GPR158: variants seen among roughly 807,000 people sequenced by gnomAD.
The protein encoded by GPR158 is G protein-coupled receptor 158.
Under a neutral mutation model 78.2 loss-of-function variants are expected in GPR158, and 30 were observed. The ratio of observed to expected loss-of-function variants is 0.38; its 90% CI spans 0.29 to 0.52. The LOEUF (loss-of-function observed/expected upper bound fraction) is 0.52. Ranked by LOEUF, GPR158 falls within the 20% of genes least tolerant of loss-of-function variation. The pLI is 0.83. For missense variants in GPR158, 1,463 were observed against 1,523.5 expected (o/e 0.96, Z 0.66); for synonymous variants, 581 against 591.1 (o/e 0.98, Z 0.25).
chr10:25,359,248 A>G (rs1855596167), intron 2 of GPR158, among the ~76,000 whole-genome samples: 1 of 151,972 alleles, frequency 6.6e-6, no homozygotes. Context: ...ACATTACATG[A>G]AAGTTACCTT....
intron 2 of GPR158, among the ~76,000 whole-genome samples, chr10:25,283,386 A>G (rs1229103243): frequency 1.3e-5 from 2 of 151,860 alleles, no homozygotes; most frequent in Non-Finnish European, 2.9e-5. Flanking sequence ...TCTCTCTTTT[A>G]GTCACACTAG....
chr10:25,343,311 G>A (rs773360894), intron 2 of GPR158, among the ~76,000 whole-genome samples: 15 of 151,870 alleles, frequency 9.9e-5, no homozygotes, highest in Non-Finnish European at 1.6e-4. Context: ...GACTAAAATC[G>A]GATAAGTTTC....
chr10:25,247,561 C>T (rs1377531373), intron 2 of GPR158, among the ~76,000 whole-genome samples: 22 of 118,568 alleles, frequency 1.9e-4, no homozygotes, highest in East Asian at 1.3e-3. Context: ...TGAGAATATG[C>T]GGTGTTTGGT....
intron 9 of GPR158, 99 bp from the exon 10 acceptor site, chr10:25,596,544 T>A: frequency 1.3e-6 from 1 of 768,330 alleles, no homozygotes; most frequent in Non-Finnish European, 2.2e-6. Context: ...TAGGTATAGA[T>A]ATAGATACCT....
intron 2 of GPR158, among the ~76,000 whole-genome samples, chr10:25,318,358 A>C (rs545905): frequency 0.82 from 124,072 of 151,632 alleles, 51,798 homozygotes; most frequent in African/African-American, 0.91. Flanking sequence ...CCCTTGTGCA[A>C]TTTTAGGTCA....
chr10:25,312,304 G>T (rs1013305782), intron 2 of GPR158, among the ~76,000 whole-genome samples: 8 of 151,980 alleles, frequency 5.3e-5, no homozygotes, highest in Non-Finnish European at 7.4e-5. Context: ...GAGTTATGTA[G>T]ATATTTCAAA....
intron 5 of GPR158, among the ~76,000 whole-genome samples, chr10:25,530,809 C>A (rs923946204): frequency 6.6e-6 from 1 of 152,212 alleles, no homozygotes; most frequent in Non-Finnish European, 1.5e-5. Flanking sequence ...TTGAACAATT[C>A]TTTCTTCATC....
intron 10 of GPR158, 147 bp from the exon 11 acceptor site, chr10:25,597,625 A>G: frequency 2.0e-6 from 1 of 493,140 alleles, no homozygotes; most frequent in Admixed American, 3.8e-5. Context: ...TGGTGAGAAA[A>G]TCGACAAGTA....
chr10:25,291,899 T>C (rs1854442535), intron 2 of GPR158, among the ~76,000 whole-genome samples: 2 of 152,082 alleles, frequency 1.3e-5, no homozygotes, highest in African/African-American at 4.8e-5. Context: ...TTATCGATCC[T>C]TACAAATATT....
intron 5 of GPR158, among the ~76,000 whole-genome samples, chr10:25,507,250 A>G (rs1412526055): frequency 6.6e-6 from 1 of 152,218 alleles, no homozygotes; most frequent in Non-Finnish European, 1.5e-5. Context: ...TGGCAGTCTA[A>G]TCATTTATTG....
At chr10:25,227,018 A>G (rs1011171307) in intron 2 of GPR158, among the ~76,000 whole-genome samples, 10 of 152,116 alleles carry the variant, frequency 6.6e-5, no homozygotes, top group African/African-American at 1.9e-4. Flanking sequence ...TTGTTTTTGG[A>G]GTTCTAAAGC....
intron 2 of GPR158, among the ~76,000 whole-genome samples, chr10:25,305,006 C>A (rs1456230940): frequency 1.3e-5 from 2 of 152,196 alleles, no homozygotes; most frequent in Non-Finnish European, 2.9e-5. Context: ...CTTCAAAGAT[C>A]TTCTAGGGCT....
intron 2 of GPR158, among the ~76,000 whole-genome samples, chr10:25,277,798 C>G (rs755399650): frequency 1.3e-5 from 2 of 152,112 alleles, no homozygotes; most frequent in Non-Finnish European, 2.9e-5. Context: ...AACAAAGAAA[C>G]CTCTCCGACA....
At chr10:25,550,505 G>T (rs1461913678) in intron 5 of GPR158, among the ~76,000 whole-genome samples, 1 of 152,102 alleles carries the variant, frequency 6.6e-6, no homozygotes, top group Non-Finnish European at 1.5e-5. Flanking sequence ...GAATGGCAGT[G>T]GGACTATCCT....
chr10:25,588,204 A>G (rs750036346), intron 7 of GPR158, among the ~76,000 whole-genome samples: 4 of 152,246 alleles, frequency 2.6e-5, no homozygotes, highest in Non-Finnish European at 1.5e-5. Flanking sequence ...ATCACATGAA[A>G]TACATACTTT....
chr10:25,258,134 A>G (rs1170318033), intron 2 of GPR158, among the ~76,000 whole-genome samples: 1 of 152,238 alleles, frequency 6.6e-6, no homozygotes, highest in African/African-American at 2.4e-5. Context: ...TCAAAGGGAA[A>G]CATGTAAGCC....
chr10:25,243,662 C>A (rs536828391), intron 2 of GPR158, among the ~76,000 whole-genome samples: 9 of 152,286 alleles, frequency 5.9e-5, no homozygotes, highest in African/African-American at 2.2e-4. Flanking sequence ...ACAGCACATA[C>A]AATTTTATTT....
chr10:25,595,408 T>A (rs902906446), intron 9 of GPR158, among the ~76,000 whole-genome samples: 1 of 152,238 alleles, frequency 6.6e-6, no homozygotes, highest in African/African-American at 2.4e-5. Context: ...GATTATTTAA[T>A]AAATTTTTAC....
intron 2 of GPR158, among the ~76,000 whole-genome samples, chr10:25,302,214 G>A (rs902816869): frequency 1.3e-5 from 2 of 150,626 alleles, no homozygotes; most frequent in African/African-American, 4.9e-5. Flanking sequence ...TGGGACTGCA[G>A]GTGCCTGCCA....
Sources: gnomAD v4.1 joint callset for allele counts (sites outside exome capture counted in the v4.1 genomes callset) on GRCh38, gnomAD v4.1.1 for gene constraint, MANE v1.5 for transcripts, NCBI Gene and HGNC (gene_info 2026-07-23, HGNC 2026-07-21) for gene names.